The following RBFOX1 variants were observed in gnomAD, a reference collection of about 807,000 sequenced individuals.
RBFOX1 encodes the protein RNA binding fox-1 homolog 1, also known as RNA binding protein fox-1 homolog 1.
In RBFOX1, 8 loss-of-function variants were observed where a neutral mutation model predicts 57.7. That is an observed-to-expected ratio of 0.14 (90% confidence interval 0.08 to 0.25). The LOEUF is 0.25. RBFOX1 is among the 10% of genes least tolerant of loss of function. RBFOX1 has a pLI of 1.00. For synonymous variants in RBFOX1, 326 were observed against 222.4 expected (o/e 1.47, Z -4.15); for missense variants, 611 against 548.5 (o/e 1.11, Z -1.14).
At chr16:5,748,013 G>C (rs941431969) in intron 3 of RBFOX1, among the ~76,000 whole-genome samples, 15 of 152,252 alleles carry the variant, frequency 9.9e-5, no homozygotes, top group African/African-American at 3.6e-4. Context: ...TGGGCATTTA[G>C]TGCTATAAAT....
At chr16:6,093,798 T>C (rs1375823564) in intron 1 of RBFOX1, among the ~76,000 whole-genome samples, 2 of 151,942 alleles carry the variant, frequency 1.3e-5, no homozygotes, top group Non-Finnish European at 2.9e-5. Flanking sequence ...ATTTTTTTTT[T>C]TGTAAAGATG....
At chr16:6,283,211 C>T (rs2076572965) in intron 1 of RBFOX1, among the ~76,000 whole-genome samples, 1 of 152,090 alleles carries the variant, frequency 6.6e-6, no homozygotes, top group African/African-American at 2.4e-5. Context: ...CCTGTATTCC[C>T]AGCTACTTGG....
chr16:5,907,582 C>T (rs913471764), intron 4 of RBFOX1, among the ~76,000 whole-genome samples: 3 of 152,024 alleles, frequency 2.0e-5, no homozygotes. Context: ...ACACATATGT[C>T]CAATACATAA....
intron 4 of RBFOX1, among the ~76,000 whole-genome samples, chr16:5,977,981 G>T (rs1432836050): frequency 2.6e-5 from 4 of 151,790 alleles, no homozygotes; most frequent in Admixed American, 2.0e-4. Flanking sequence ...CACTTTGTGT[G>T]TGTTCTTCCT....
At chr16:6,634,684 A>G (rs1352151692) in intron 2 of RBFOX1, among the ~76,000 whole-genome samples, 10 of 145,358 alleles carry the variant, frequency 6.9e-5, no homozygotes, top group African/African-American at 2.5e-4. Context: ...ATATGTACAT[A>G]TATAATACAA....
At chr16:6,235,496 C>G (rs1481763322) in intron 1 of RBFOX1, among the ~76,000 whole-genome samples, 1 of 151,650 alleles carries the variant, frequency 6.6e-6, no homozygotes, top group African/African-American at 2.4e-5. Context: ...AAATATAGAA[C>G]CAGCCCAAAT....
chr16:7,048,246 T>G (rs1333964153), intron 3 of RBFOX1, among the ~76,000 whole-genome samples: 2 of 151,672 alleles, frequency 1.3e-5, no homozygotes, highest in African/African-American at 4.8e-5. Flanking sequence ...TCCTTTTGAT[T>G]TTTTTGTTTT....
intron 2 of RBFOX1, among the ~76,000 whole-genome samples, chr16:6,543,026 C>G (rs79856603): frequency 0.027 from 4,118 of 152,224 alleles, 168 homozygotes; most frequent in South Asian, 0.073. Context: ...CTCCCCAGGG[C>G]CACACTATCG....
At position 6,870,353 on chromosome 16, in the gene RBFOX1, A is replaced by G. The variant is rs538720448; in HGVS notation, c.-15-181704A>G. Among the ~76,000 whole-genome samples, 59 of 152,294 alleles carry G rather than the reference A, an allele frequency of 3.9e-4. 1 individual carries two copies. The highest frequency in any genetic ancestry group is 1.4e-3 in the African/African-American group (58 of 41,558). ...TAGGAAACAGAAATCTGATATTCCA[A>G]GATGCTCCTATTGGATTTTCACATA... On this transcript the variant is annotated intron_variant, in intron 3 of 15. Coordinates refer to ENST00000550418, the MANE Select transcript of RBFOX1 (RefSeq NM_018723.4).
chr16:5,615,874 A>G (rs895916829), intron 3 of RBFOX1, among the ~76,000 whole-genome samples: 5 of 152,046 alleles, frequency 3.3e-5, no homozygotes, highest in Admixed American at 6.5e-5. Flanking sequence ...TTTCTCCCCA[A>G]TTATTTGTGG....
rs574645663 is a variant in RBFOX1, at chr16:6,672,585, G to A, written c.-16+17935G>A. 5.9e-5 allele frequency among the ~76,000 whole-genome samples: 9 copies of A among 152,232 alleles called. No individual in the cohort carries two copies. The South Asian group carries it at 1.9e-3, about 32-fold the overall frequency. ...AAGAAAGAGAAGAAATTCTGTTTATGTGACAGAATCTTAAACAAGCATATA... is the reference window on the plus strand; with the variant it reads ...AAGAAAGAGAAGAAATTCTGTTTATATGACAGAATCTTAAACAAGCATATA... On this transcript the variant is annotated intron_variant, in intron 3 of 15. Transcript: ENST00000550418.
intron 4 of RBFOX1, among the ~76,000 whole-genome samples, chr16:5,953,277 G>T (rs536241170): frequency 1.3e-5 from 2 of 152,184 alleles, no homozygotes; most frequent in Admixed American, 1.3e-4. Flanking sequence ...CTGGAAATGT[G>T]TAACAATTTT....
intron 2 of RBFOX1, among the ~76,000 whole-genome samples, chr16:6,496,916 C>T (rs573813676): frequency 7.9e-5 from 12 of 152,196 alleles, no homozygotes; most frequent in Admixed American, 2.6e-4. Context: ...GCCGAGACTA[C>T]GCCATTGCAC....
intron 3 of RBFOX1, among the ~76,000 whole-genome samples, chr16:6,805,308 T>C (rs923237266): frequency 2.4e-4 from 36 of 152,316 alleles, no homozygotes; most frequent in African/African-American, 8.2e-4. Context: ...AAATATTGCA[T>C]GTTCTCACTT....
At chr16:5,850,329 G>T (rs1743892539) in intron 3 of RBFOX1, among the ~76,000 whole-genome samples, 1 of 152,182 alleles carries the variant, frequency 6.6e-6, no homozygotes, top group South Asian at 2.1e-4. Flanking sequence ...AAAGAAAATG[G>T]AGCTGATATT....
intron 4 of RBFOX1, among the ~76,000 whole-genome samples, chr16:7,288,386 A>T (rs1339995461): frequency 6.6e-6 from 1 of 152,224 alleles, no homozygotes; most frequent in Non-Finnish European, 1.5e-5. Flanking sequence ...GTACATTTAA[A>T]TAAGTTATTT....
chr16:5,452,362 A>G lies in RBFOX1; in HGVS notation c.220-14854A>G, dbSNP rs375281946. The stretch of plus-strand genomic sequence containing the variant: ...GGCCTCAAGTGATCCACCCGCCTCG[A>G]CCTCCCAAAGTGCTGGGGTTACAGG... On this transcript the variant is annotated intron_variant, in intron 1 of 2. Transcript: ENST00000585867. Among the ~76,000 whole-genome samples, 26 of 151,316 alleles carry G rather than the reference A, an allele frequency of 1.7e-4. No individual in the cohort carries two copies. In the South Asian group the frequency reaches 4.8e-3, roughly 28 times the overall value.
intron 4 of RBFOX1, among the ~76,000 whole-genome samples, chr16:7,414,802 G>A (rs930874018): frequency 6.6e-6 from 1 of 152,128 alleles, no homozygotes; most frequent in Non-Finnish European, 1.5e-5. Flanking sequence ...ATGTTTAGTA[G>A]AGATGGGGTT....
intron 1 of RBFOX1, among the ~76,000 whole-genome samples, chr16:6,151,800 C>T (rs900869745): frequency 6.6e-6 from 1 of 152,134 alleles, no homozygotes; most frequent in Non-Finnish European, 1.5e-5. Context: ...CTTTCTTTGC[C>T]TGTATTAAGT....
Sources: gnomAD v4.1 joint callset for allele counts (sites outside exome capture counted in the v4.1 genomes callset) on GRCh38, gnomAD v4.1.1 for gene constraint, MANE v1.5 for transcripts, NCBI Gene and HGNC (gene_info 2026-07-23, HGNC 2026-07-21) for gene names.